CLSTN2: variants seen among roughly 807,000 people sequenced by gnomAD.
The protein encoded by CLSTN2 is calsyntenin-2.
CLSTN2 carries 48 observed loss-of-function variants against 101.2 expected under a neutral mutation model. The ratio of observed to expected loss-of-function variants is 0.47; its 90% CI spans 0.38 to 0.60. The LOEUF is 0.60. Among genes scored for constraint, CLSTN2 ranks in the 20% least tolerant of loss-of-function variants. The pLI, the probability that CLSTN2 is intolerant of heterozygous loss-of-function variation, is 0.00. For synonymous variants in CLSTN2, 481 were observed against 463.6 expected, an observed-to-expected ratio of 1.04 and a Z score of -0.48; for missense variants, 1,160 against 1,238.2, an observed-to-expected ratio of 0.94 and a Z score of 0.95.
intron 8 of CLSTN2, among the ~76,000 whole-genome samples, chr3:140,506,416 A>G (rs1332280825): frequency 6.6e-6 from 1 of 151,794 alleles, no homozygotes; most frequent in East Asian, 1.9e-4. Flanking sequence ...TCCCCTCCTT[A>G]TGATGCTGCC....
At chr3:140,525,097 T>A (rs1345581591) in intron 8 of CLSTN2, among the ~76,000 whole-genome samples, 2 of 152,084 alleles carry the variant, frequency 1.3e-5, no homozygotes, top group East Asian at 3.9e-4. Context: ...ATAACTAACA[T>A]CAGAGGAGAA....
rs145639038 is a variant in CLSTN2 at position 140,500,428 on chromosome 3, C to G, written c.1345-31896C>G. 1.3e-3 allele frequency among the ~76,000 whole-genome samples: 203 copies of G among 152,202 alleles called. 1 individual carries two copies. Among genetic ancestry groups the G allele is most frequent in the Middle Eastern group, 3.4e-3 (1 of 294 alleles). On this transcript the variant is annotated intron_variant, in intron 8 of 16. Transcript: ENST00000458420. ...GATATGAGCAATCCCATCATGGAACCAAAGTAAACCATTCAAGCAGGATTC... is the reference window on the plus strand; with the variant it reads ...GATATGAGCAATCCCATCATGGAACGAAAGTAAACCATTCAAGCAGGATTC...
At chr3:140,163,718 T>C (rs1200365437) in intron 1 of CLSTN2, among the ~76,000 whole-genome samples, 6 of 150,852 alleles carry the variant, frequency 4.0e-5, no homozygotes, top group Non-Finnish European at 7.4e-5. Context: ...GCCTTGCTTG[T>C]ATGAGTTCCT....
chr3:140,320,018 C>T (rs1223127328), intron 2 of CLSTN2, among the ~76,000 whole-genome samples: 1 of 152,190 alleles, frequency 6.6e-6, no homozygotes, highest in Non-Finnish European at 1.5e-5. Flanking sequence ...CTTGTCATGC[C>T]ATGAGAGGCA....
chr3:140,540,997 C>T (rs552858023), intron 9 of CLSTN2, among the ~76,000 whole-genome samples: 2 of 152,346 alleles, frequency 1.3e-5, no homozygotes, highest in South Asian at 4.1e-4. Flanking sequence ...GCAACCTTAA[C>T]ACCAGTTTCT....
At chr3:140,052,081 C>T (rs1576410597) in intron 1 of CLSTN2, among the ~76,000 whole-genome samples, 1 of 152,346 alleles carries the variant, frequency 6.6e-6, no homozygotes, top group East Asian at 1.9e-4. Context: ...GAATTGAAAT[C>T]TGTTTATCTT....
intron 1 of CLSTN2, among the ~76,000 whole-genome samples, chr3:140,030,975 C>A (rs927493590): frequency 2.6e-5 from 4 of 152,156 alleles, no homozygotes; most frequent in African/African-American, 7.2e-5. Flanking sequence ...TTATGTCAGC[C>A]CTTCTGTTGG....
intron 2 of CLSTN2, among the ~76,000 whole-genome samples, chr3:140,222,849 T>C (rs545348263): frequency 1.6e-5 from 2 of 127,390 alleles, no homozygotes; most frequent in African/African-American, 3.1e-5. Context: ...TACACACCCA[T>C]AGAAATTGAA....
chr3:140,271,283 G>A (rs1376393661), intron 2 of CLSTN2, among the ~76,000 whole-genome samples: 1 of 152,120 alleles, frequency 6.6e-6, no homozygotes, highest in Non-Finnish European at 1.5e-5. Flanking sequence ...AGGGCAAGTG[G>A]CAGATTATTT....
chr3:140,427,346 A>T (rs2088583696), intron 5 of CLSTN2, among the ~76,000 whole-genome samples: 1 of 151,496 alleles, frequency 6.6e-6, no homozygotes, highest in Non-Finnish European at 1.5e-5. Context: ...AAGGAAGAGA[A>T]GGATAGGTCT....
At chr3:140,412,980 G>A (rs550479581) in intron 4 of CLSTN2, among the ~76,000 whole-genome samples, 11 of 152,162 alleles carry the variant, frequency 7.2e-5, no homozygotes, top group Admixed American at 1.3e-4. Context: ...AATGTTATAC[G>A]TCAAGGAACT....
At chr3:140,212,146 G>A (rs2010863602) in intron 2 of CLSTN2, among the ~76,000 whole-genome samples, 1 of 152,160 alleles carries the variant, frequency 6.6e-6, no homozygotes. Context: ...AGTTCCTCGG[G>A]AACACAACAG....
chr3:140,102,538 C>CT, intron 1 of CLSTN2, among the ~76,000 whole-genome samples: 1 of 152,236 alleles, frequency 6.6e-6, no homozygotes, highest in East Asian at 1.9e-4. Context: ...GAAGGTCCTA[C>CT]TGTGGGTTGC....
At chr3:140,137,161 A>G (rs1210636816) in intron 1 of CLSTN2, among the ~76,000 whole-genome samples, 1 of 152,204 alleles carries the variant, frequency 6.6e-6, no homozygotes, top group Non-Finnish European at 1.5e-5. Context: ...TGTTATCAGG[A>G]ACAAAGAGAA....
chr3:140,423,217 C>T (rs2107992594), intron 5 of CLSTN2, among the ~76,000 whole-genome samples: 1 of 152,262 alleles, frequency 6.6e-6, no homozygotes, highest in South Asian at 2.1e-4. Flanking sequence ...AAGGAAAAAC[C>T]TGGTCACAAT....
intron 5 of CLSTN2, among the ~76,000 whole-genome samples, chr3:140,430,101 G>C (rs926029166): frequency 6.6e-6 from 1 of 152,182 alleles, no homozygotes; most frequent in African/African-American, 2.4e-5. Flanking sequence ...AGGGTGATAA[G>C]CCCAAGAAGG....
chr3:140,222,786 A>G (rs545039477), intron 2 of CLSTN2, among the ~76,000 whole-genome samples: 12 of 151,778 alleles, frequency 7.9e-5, no homozygotes, highest in African/African-American at 2.7e-4. Context: ...ATTATTACAC[A>G]TTATATGCCT....
At chr3:140,491,414 G>T (rs1057184146) in intron 8 of CLSTN2, among the ~76,000 whole-genome samples, 3 of 152,218 alleles carry the variant, frequency 2.0e-5, no homozygotes, top group African/African-American at 7.2e-5. Context: ...AGAGATATTA[G>T]AAATACTTGA....
intron 1 of CLSTN2, among the ~76,000 whole-genome samples, chr3:139,944,580 G>T (rs533508216): frequency 1.3e-5 from 2 of 152,334 alleles, no homozygotes; most frequent in East Asian, 3.9e-4. Flanking sequence ...GTCTCCCAGG[G>T]TGGCTGTGAG....
Sources: gnomAD v4.1 joint callset for allele counts (sites outside exome capture counted in the v4.1 genomes callset) on GRCh38, gnomAD v4.1.1 for gene constraint, MANE v1.5 for transcripts, NCBI Gene and HGNC (gene_info 2026-07-23, HGNC 2026-07-21) for gene names.